RICTOR: variants seen among roughly 807,000 people sequenced by gnomAD.
RICTOR encodes RPTOR independent companion of MTOR complex 2.
RICTOR carries 49 observed loss-of-function variants against 214.9 expected under a neutral mutation model. The observed-to-expected ratio is 0.23, with a 90% CI of 0.18 to 0.29. The LOEUF (loss-of-function observed/expected upper bound fraction) is 0.29. Among genes scored for constraint, RICTOR ranks in the 10% least tolerant of loss-of-function variants. The pLI is 1.00. For synonymous variants in RICTOR, 717 were observed against 711.3 expected (o/e 1.01, Z -0.13); for missense variants, 1,625 against 2,047.0 (o/e 0.79, Z 3.98).
rs1748850753 is a variant in RICTOR, at chr5:38,952,200, T to C, written c.3123A>G (p.Pro1041=). ...SRHNSESESV[P]SSMFILEDDR... is the part of the protein sequence containing the mutation. ...TGAACCTGTCAGGATACTCACTCGA[T>C]GGCACAGATTCACTTTCACTATTAT... The change falls in exon 30 of 38, where the codon CCA becomes CCG. Residue 1041 remains proline (P), a synonymous_variant. Transcript: ENST00000357387. 2.5e-6 allele frequency: 4 copies of C among 1,583,664 alleles called. No homozygotes were observed. The highest frequency in any genetic ancestry group is 3.5e-6 in the Non-Finnish European group (4 of 1,152,802).
intron 27 of RICTOR, among the ~76,000 whole-genome samples, chr5:38,954,405 T>G (rs1749059612): frequency 6.6e-6 from 1 of 151,858 alleles, no homozygotes; most frequent in Admixed American, 6.6e-5. Flanking sequence ...TGTATTAGGT[T>G]CAGTTTAATT....
At chr5:39,056,672 T>A (rs1432212140) in intron 2 of RICTOR, among the ~76,000 whole-genome samples, 36 of 147,332 alleles carry the variant, frequency 2.4e-4, no homozygotes, top group African/African-American at 6.5e-4. Context: ...AAAAAAAAAA[T>A]GACAAGTGAC....
In RICTOR at chr5:38,963,054, A is replaced by C. The variant is rs1561465246; in HGVS notation, c.1401-13T>G. On this transcript the variant is annotated splice_polypyrimidine_tract_variant and intron_variant, in intron 16 of 37. Transcript: ENST00000357387. ...TGCACTGGCTCGCCTAATGAGAAAA[A>C]CAATTCAATCAATACAGTAGCAAGA... 6.3e-7 allele frequency: 1 copy of C among 1,598,830 alleles called. No individual in the cohort carries two copies. Among genetic ancestry groups the C allele is most frequent in the Non-Finnish European group, 8.5e-7 (1 of 1,171,030 alleles).
intron 16 of RICTOR, among the ~76,000 whole-genome samples, chr5:38,963,269 T>C (rs549496337): frequency 6.6e-6 from 1 of 152,164 alleles, no homozygotes; most frequent in East Asian, 1.9e-4. Context: ...ACTAAACTTT[T>C]CTTCTATGGT....
chr5:39,074,274 G>T (rs1309282291), intron 1 of RICTOR, 55 bp downstream of exon 1: 21 of 1,572,570 alleles, frequency 1.3e-5, no homozygotes, highest in Non-Finnish European at 5.2e-6. Flanking sequence ...GGGAAGGCAA[G>T]TGCCAGGGGT....
intron 10 of RICTOR, among the ~76,000 whole-genome samples, chr5:38,973,493 T>C (rs1579962700): frequency 1.3e-5 from 2 of 152,328 alleles, no homozygotes; most frequent in Middle Eastern, 3.4e-3. Flanking sequence ...GTTCACTGTA[T>C]AGTTTTTTCA....
At position 38,952,390 on chromosome 5, in the gene RICTOR, G is replaced by T. The variant is rs767977009; in HGVS notation, c.2933C>A (p.Thr978Asn). The T allele has an allele frequency of 1.2e-6, 2 of 1,612,432 alleles. No individual in the cohort carries two copies. The highest frequency in any genetic ancestry group is 2.2e-5 in the South Asian group (2 of 91,034). The part of the protein sequence containing the change: ...CVYVLGLIAK[T>N]KQGCDILKCH... ...TTTTAGAATATCACAGCCTTGTTTG[G>T]TTTTAGCTATGAGCCCAAGTACATA... The change falls in exon 30 of 38, where the codon ACC (threonine) becomes AAC (asparagine). Residue 978 changes from threonine to asparagine, a missense_variant. By Grantham distance (65) the Thr-to-Asn change is moderately conservative. This residue lies in a region of RICTOR where 1,214 missense variants were observed against 1,470.5 expected (regional missense o/e 0.83). Transcript: ENST00000357387.
chr5:39,024,294 G>A (rs1294697108), intron 2 of RICTOR, among the ~76,000 whole-genome samples: 5 of 152,102 alleles, frequency 3.3e-5, no homozygotes, highest in Admixed American at 6.6e-5. Context: ...CTGGTTTAGC[G>A]TATGTCTTTA....
chr5:39,009,953 A>G (rs1314377758), intron 3 of RICTOR, among the ~76,000 whole-genome samples: 4 of 152,118 alleles, frequency 2.6e-5, no homozygotes, highest in Non-Finnish European at 4.4e-5. Flanking sequence ...CCAAACCCTA[A>G]AGTACACATT....
intron 3 of RICTOR, among the ~76,000 whole-genome samples, chr5:39,009,026 C>A (rs1202646658): frequency 6.6e-6 from 1 of 152,012 alleles, no homozygotes; most frequent in African/African-American, 2.4e-5. Flanking sequence ...TTATAATTTA[C>A]ACATATCAAC....
intron 10 of RICTOR, among the ~76,000 whole-genome samples, chr5:38,974,068 G>C (rs1226230881): frequency 7.4e-6 from 1 of 135,916 alleles, no homozygotes; most frequent in Non-Finnish European, 1.6e-5. Context: ...CTTTTTTTTT[G>C]AGACAGAGTC....
chr5:39,028,497 C>T (rs1310656570), intron 2 of RICTOR, among the ~76,000 whole-genome samples: 1 of 152,082 alleles, frequency 6.6e-6, no homozygotes, highest in East Asian at 1.9e-4. Context: ...TTCTTACACA[C>T]TGTTGGAGGA....
chr5:39,027,847 A>G (rs548703475), intron 2 of RICTOR, among the ~76,000 whole-genome samples: 7 of 152,198 alleles, frequency 4.6e-5, no homozygotes, highest in Non-Finnish European at 8.8e-5. Flanking sequence ...TCAAAAGACT[A>G]TTAAGAAAAT....
intron 11 of RICTOR, among the ~76,000 whole-genome samples, chr5:38,968,409 G>T (rs1750415593): frequency 6.6e-6 from 1 of 151,592 alleles, no homozygotes; most frequent in Non-Finnish European, 1.5e-5. Context: ...CTATGTTACT[G>T]GTTTACATAT....
In RICTOR at chr5:38,941,077, T is replaced by C. The variant is rs955187088; in HGVS notation, c.*1227A>G. On this transcript the variant is annotated 3_prime_UTR_variant, in exon 38 of 38. Coordinates refer to ENST00000357387, the MANE Select transcript of RICTOR (RefSeq NM_152756.5). ...ATTTTTATATACAAATTTGCATATATGTTTAATTCCTGTAAAAAGTTCCAA... is the reference window on the plus strand; with the variant it reads ...ATTTTTATATACAAATTTGCATATACGTTTAATTCCTGTAAAAAGTTCCAA... 1.3e-5 allele frequency: 3 copies of C among 232,800 alleles called. No homozygotes were observed. The highest frequency in any genetic ancestry group is 2.6e-5 in the Non-Finnish European group (3 of 117,592). 14.4% of individuals were successfully genotyped at this position (232,800 alleles called of 1,614,324 possible).
intron 33 of RICTOR, among the ~76,000 whole-genome samples, 181 bp downstream of exon 33, chr5:38,946,287 C>G (rs1480606212): frequency 1.3e-5 from 2 of 152,154 alleles, no homozygotes; most frequent in Admixed American, 6.5e-5. Flanking sequence ...TTAAGTCCCT[C>G]ACACATACAC....
chr5:38,940,335 T>C lies in RICTOR; in HGVS notation c.*1969A>G. ...TTATACTCTATATTAACTGAGGTAGTGTTTAAAATGAATGTCTAAAATATG... is the reference window on the plus strand; with the variant it reads ...TTATACTCTATATTAACTGAGGTAGCGTTTAAAATGAATGTCTAAAATATG... On this transcript the variant is annotated 3_prime_UTR_variant, in exon 38 of 38. Coordinates refer to ENST00000357387, the MANE Select transcript of RICTOR (RefSeq NM_152756.5). The C allele has an allele frequency of 4.3e-6, 1 of 231,438 alleles. No homozygotes were observed. The allele number at this position is 231,438 out of a possible 1,614,324, so 14.3% of individuals were successfully genotyped here.
At chr5:39,071,281 T>C (rs1211026644) in intron 2 of RICTOR, among the ~76,000 whole-genome samples, 1 of 152,228 alleles carries the variant, frequency 6.6e-6, no homozygotes, top group Non-Finnish European at 1.5e-5. Flanking sequence ...CAGATTGCTT[T>C]ACAATTGTTA....
At chr5:38,952,071 A>G (rs763672986) in intron 30 of RICTOR, 125 bp downstream of exon 30, 41 of 626,524 alleles carry the variant, frequency 6.5e-5, no homozygotes, top group Non-Finnish European at 1.1e-4. Flanking sequence ...CCAAGAGGCT[A>G]TTATTGCCAA....
Sources: gnomAD v4.1 joint callset for allele counts (sites outside exome capture counted in the v4.1 genomes callset) on GRCh38, gnomAD v4.1.1 for gene constraint, gnomAD v4.1.1 regional missense constraint, MANE v1.5 for transcripts, NCBI Gene and HGNC (gene_info 2026-07-23, HGNC 2026-07-21) for gene names.